Variants in CNTNAP2 observed in about 807,000 individuals in gnomAD.
CNTNAP2 encodes contactin-associated protein-like 2.
Under a neutral mutation model 155.2 loss-of-function variants are expected in CNTNAP2, and 98 were observed. The observed-to-expected ratio is 0.63, with a 90% CI of 0.54 to 0.75. CNTNAP2 has a LOEUF of 0.75. Ranked by LOEUF, CNTNAP2 falls within the 30% of genes least tolerant of loss-of-function variation. CNTNAP2 has a pLI of 0.00. For missense variants in CNTNAP2, 1,727 were observed against 1,688.1 expected, an observed-to-expected ratio of 1.02 and a Z score of -0.40; for synonymous variants, 651 against 631.2, an observed-to-expected ratio of 1.03 and a Z score of -0.47.
chr7:146,131,383 A>G (rs1187987457), intron 1 of CNTNAP2, among the ~76,000 whole-genome samples: 1 of 152,232 alleles, frequency 6.6e-6, no homozygotes, highest in East Asian at 1.9e-4. Flanking sequence ...TAAACTGATT[A>G]CTAAAATCAG....
intron 13 of CNTNAP2, among the ~76,000 whole-genome samples, chr7:147,700,238 T>C (rs1796215989): frequency 6.6e-6 from 1 of 152,200 alleles, no homozygotes; most frequent in Non-Finnish European, 1.5e-5. Flanking sequence ...GATATGATGC[T>C]ATAATTTACC....
At chr7:146,313,254 T>G (rs1800857001) in intron 1 of CNTNAP2, among the ~76,000 whole-genome samples, 1 of 152,190 alleles carries the variant, frequency 6.6e-6, no homozygotes. Flanking sequence ...GCCATTCTAA[T>G]GGGCATGTGG....
Position 147,572,418 on chromosome 7 carries a change from A to G in CNTNAP2, c.1897+10161A>G, listed in dbSNP as rs774877242. ...ATCAAGATGAAGTGGCTTTAGGTATATCACAGGTCACTCAGCCCTTCTGAG... is the reference window on the plus strand; with the variant it reads ...ATCAAGATGAAGTGGCTTTAGGTATGTCACAGGTCACTCAGCCCTTCTGAG... On this transcript the variant is annotated intron_variant, in intron 12 of 23. Transcript: ENST00000361727. 5.9e-5 allele frequency among the ~76,000 whole-genome samples: 9 copies of G among 152,170 alleles called. 1 individual carries two copies. Among genetic ancestry groups the G allele is most frequent in the Non-Finnish European group, 1.3e-4 (9 of 68,022 alleles).
intron 1 of CNTNAP2, among the ~76,000 whole-genome samples, chr7:146,695,371 T>C (rs960669883): frequency 6.6e-6 from 1 of 152,172 alleles, no homozygotes; most frequent in African/African-American, 2.4e-5. Context: ...CTTAGCCTAT[T>C]GTGATAAATT....
chr7:147,199,354 T>G (rs553130421), intron 8 of CNTNAP2, among the ~76,000 whole-genome samples: 3 of 152,214 alleles, frequency 2.0e-5, no homozygotes, highest in South Asian at 4.1e-4. Flanking sequence ...TTAATAGTAT[T>G]AAAATTTCAC....
At chr7:146,673,189 C>A (rs1800338987) in intron 1 of CNTNAP2, among the ~76,000 whole-genome samples, 1 of 152,064 alleles carries the variant, frequency 6.6e-6, no homozygotes, top group African/African-American at 2.4e-5. Context: ...TTCAGAATCC[C>A]TTATTGCCTT....
intron 11 of CNTNAP2, among the ~76,000 whole-genome samples, chr7:147,558,024 T>G (rs1205160764): frequency 3.3e-5 from 5 of 152,202 alleles, no homozygotes; most frequent in African/African-American, 1.2e-4. Context: ...TCTTGTCATT[T>G]TACTGCAGTG....
At chr7:147,732,648 C>T (rs1796763200) in intron 13 of CNTNAP2, among the ~76,000 whole-genome samples, 1 of 152,206 alleles carries the variant, frequency 6.6e-6, no homozygotes, top group African/African-American at 2.4e-5. Flanking sequence ...TTTACAGTCC[C>T]ACCAACAGTG....
chr7:147,111,040 G>GT (rs1329757191), intron 5 of CNTNAP2, among the ~76,000 whole-genome samples: 1 of 152,100 alleles, frequency 6.6e-6, no homozygotes, highest in Non-Finnish European at 1.5e-5. Flanking sequence ...AGCATCTGTT[G>GT]TTTTTTGACT....
intron 10 of CNTNAP2, among the ~76,000 whole-genome samples, chr7:147,419,328 C>T (rs1369667305): frequency 6.6e-6 from 1 of 152,120 alleles, no homozygotes; most frequent in Non-Finnish European, 1.5e-5. Context: ...CTCATTCCCA[C>T]CACCAAAGCC....
chr7:146,573,405 T>C (rs1384060540), intron 1 of CNTNAP2, among the ~76,000 whole-genome samples: 1 of 152,142 alleles, frequency 6.6e-6, no homozygotes, highest in Non-Finnish European at 1.5e-5. Context: ...CCTTCCAAAG[T>C]GCTAGCATTA....
intron 1 of CNTNAP2, among the ~76,000 whole-genome samples, chr7:146,758,686 G>A (rs1264340183): frequency 6.6e-5 from 10 of 152,164 alleles, no homozygotes; most frequent in Non-Finnish European, 1.0e-4. Context: ...AGAATAATGC[G>A]GGAAAGACCC....
intron 13 of CNTNAP2, among the ~76,000 whole-genome samples, chr7:147,733,494 C>G (rs542900070): frequency 3.0e-4 from 46 of 152,110 alleles, no homozygotes; most frequent in African/African-American, 1.0e-3. Flanking sequence ...GATTGACTTG[C>G]CAATGTGGGC....
At chr7:146,215,201 A>G (rs931122773) in intron 1 of CNTNAP2, among the ~76,000 whole-genome samples, 3 of 152,238 alleles carry the variant, frequency 2.0e-5, no homozygotes, top group South Asian at 2.1e-4. Flanking sequence ...AAACTAATAC[A>G]TAACTCTCAA....
At chr7:147,779,959 A>T (rs1287320836) in intron 13 of CNTNAP2, among the ~76,000 whole-genome samples, 1 of 152,214 alleles carries the variant, frequency 6.6e-6, no homozygotes, top group Non-Finnish European at 1.5e-5. Context: ...GTATGAGACT[A>T]GGTAGAGTGA....
At chr7:146,645,770 A>G (rs1585022708) in intron 1 of CNTNAP2, among the ~76,000 whole-genome samples, 1 of 150,624 alleles carries the variant, frequency 6.6e-6, no homozygotes, top group Non-Finnish European at 1.5e-5. Flanking sequence ...TAAGCTACCC[A>G]GTGTGTGTGT....
At chr7:147,473,480 G>A (rs2116613414) in intron 10 of CNTNAP2, among the ~76,000 whole-genome samples, 1 of 152,046 alleles carries the variant, frequency 6.6e-6, no homozygotes, top group Non-Finnish European at 1.5e-5. Context: ...TTGTGTAATT[G>A]TGTCGAGGGT....
chr7:147,878,286 GTGA>G lies in CNTNAP2; in HGVS notation c.2099-25265_2099-25263del, dbSNP rs1031116377. ...TCAGTAAATGATGATGATGATGATA[GTGA>G]TGATGATGATGATTTTCTCTTCAAA... is the stretch of plus-strand genomic sequence containing the variant. On this transcript the variant is annotated intron_variant, in intron 13 of 23. Coordinates refer to ENST00000361727, the MANE Select transcript of CNTNAP2 (RefSeq NM_014141.6). Among the ~76,000 whole-genome samples, 737 of 151,966 alleles carry G rather than the reference GTGA, an allele frequency of 4.8e-3. 4 individuals are homozygous for G. The highest frequency in any genetic ancestry group is 0.017 in the African/African-American group (705 of 41,378).
intron 3 of CNTNAP2, among the ~76,000 whole-genome samples, chr7:147,005,370 A>G (rs1234289456): frequency 1.3e-5 from 2 of 152,108 alleles, no homozygotes; most frequent in African/African-American, 4.8e-5. Context: ...ATATTATACA[A>G]AAGTATTGTA....
Sources: allele counts gnomAD v4.1 joint callset (sites outside exome capture counted in the v4.1 genomes callset), GRCh38; gene constraint gnomAD v4.1.1; transcripts MANE v1.5; gene names NCBI Gene and HGNC (gene_info 2026-07-23, HGNC 2026-07-21).